NALCN: variants seen among roughly 807,000 people sequenced by gnomAD.
NALCN encodes the protein sodium leak channel NALCN.
A neutral mutation model predicts 225.3 loss-of-function variants in NALCN; 111 were observed. That is an observed-to-expected ratio of 0.49 (90% CI 0.42 to 0.58). The LOEUF is 0.58. Among genes scored for constraint, NALCN ranks in the 20% least tolerant of loss-of-function variants. The pLI is 0.00. For synonymous variants in NALCN, 764 were observed against 769.0 expected, an observed-to-expected ratio of 0.99 and a Z score of 0.11; for missense variants, 1,378 against 2,202.4, an observed-to-expected ratio of 0.63 and a Z score of 7.49.
At chr13:101,106,337 A>AG (rs1400892549) in intron 22 of NALCN, among the ~76,000 whole-genome samples, 2 of 152,102 alleles carry the variant, frequency 1.3e-5, no homozygotes, top group Non-Finnish European at 2.9e-5. Flanking sequence ...GATTTTGTGG[A>AG]GGGGGAACAA....
At chr13:101,277,844 G>A (rs1260657126) in intron 10 of NALCN, among the ~76,000 whole-genome samples, 1 of 152,300 alleles carries the variant, frequency 6.6e-6, no homozygotes, top group Middle Eastern at 3.4e-3. Flanking sequence ...AGACAATATG[G>A]AGAGTTGGGA....
intron 7 of NALCN, among the ~76,000 whole-genome samples, chr13:101,316,935 A>T (rs1210559849): frequency 6.6e-6 from 1 of 152,156 alleles, no homozygotes; most frequent in Non-Finnish European, 1.5e-5. Flanking sequence ...TAGTTTTTAG[A>T]TTGTTAAATG....
intron 15 of NALCN, among the ~76,000 whole-genome samples, chr13:101,175,082 T>C (rs982366665): frequency 2.0e-5 from 3 of 152,196 alleles, no homozygotes; most frequent in Non-Finnish European, 4.4e-5. Flanking sequence ...CAACTCTCAT[T>C]TGAAGAATCT....
chr13:101,152,487 A>G (rs1250378577), intron 15 of NALCN, among the ~76,000 whole-genome samples: 1 of 152,166 alleles, frequency 6.6e-6, no homozygotes, highest in African/African-American at 2.4e-5. Flanking sequence ...AACCCTTAAG[A>G]TCTTACAAGC....
chr13:101,205,795 A>G (rs2040290679), intron 13 of NALCN, among the ~76,000 whole-genome samples: 1 of 152,126 alleles, frequency 6.6e-6, no homozygotes, highest in African/African-American at 2.4e-5. Context: ...CATGAAATTG[A>G]TATTTTCATT....
At chr13:101,365,799 T>C (rs1014030561) in intron 6 of NALCN, among the ~76,000 whole-genome samples, 1 of 152,132 alleles carries the variant, frequency 6.6e-6, no homozygotes, top group Non-Finnish European at 1.5e-5. Context: ...CCTCTGGGCT[T>C]AAAGCTAGTG....
At chr13:101,293,445 AAATAT>A (rs576274191) in intron 7 of NALCN, among the ~76,000 whole-genome samples, 87 of 152,358 alleles carry the variant, frequency 5.7e-4, no homozygotes, top group African/African-American at 1.8e-3. Flanking sequence ...TTTATAAAAT[AAATAT>A]AAGTTGTTAT....
At chr13:101,213,760 G>T (rs2140086216) in intron 13 of NALCN, among the ~76,000 whole-genome samples, 1 of 152,300 alleles carries the variant, frequency 6.6e-6, no homozygotes, top group African/African-American at 2.4e-5. Flanking sequence ...TCTCACACCA[G>T]TTAGAATGGC....
intron 6 of NALCN, among the ~76,000 whole-genome samples, chr13:101,375,663 G>C (rs1425451913): frequency 6.6e-6 from 1 of 152,102 alleles, no homozygotes; most frequent in African/African-American, 2.4e-5. Flanking sequence ...TAATTTCTAA[G>C]ATTTGAATCA....
At chr13:101,407,155 A>G (rs1343949078) in intron 1 of NALCN, among the ~76,000 whole-genome samples, 1 of 152,242 alleles carries the variant, frequency 6.6e-6, no homozygotes, top group East Asian at 1.9e-4. Context: ...CTGTTCTTCT[A>G]GCAAGGAAAA....
intron 17 of NALCN, among the ~76,000 whole-genome samples, chr13:101,132,141 G>A (rs1447802880): frequency 6.6e-6 from 1 of 151,454 alleles, no homozygotes; most frequent in Non-Finnish European, 1.5e-5. Flanking sequence ...ATTCATTCAG[G>A]GCTAAATTTT....
intron 7 of NALCN, among the ~76,000 whole-genome samples, chr13:101,322,167 G>C (rs1298808056): frequency 6.6e-6 from 1 of 152,080 alleles, no homozygotes; most frequent in Non-Finnish European, 1.5e-5. Flanking sequence ...ATTTGTGTGG[G>C]TATATATGAA....
intron 17 of NALCN, among the ~76,000 whole-genome samples, chr13:101,142,138 CTTT>C (rs33925974): frequency 1.0e-5 from 1 of 97,026 alleles, no homozygotes. Context: ...CATTCTATGT[CTTT>C]TTTTTTTTTT....
chr13:101,147,472 C>T (rs566827562), intron 15 of NALCN, among the ~76,000 whole-genome samples: 44 of 151,336 alleles, frequency 2.9e-4, no homozygotes, highest in African/African-American at 9.5e-4. Flanking sequence ...TTTCCTGAGT[C>T]GCTGGAATTA....
intron 7 of NALCN, among the ~76,000 whole-genome samples, chr13:101,314,744 T>A (rs561758): frequency 6.6e-6 from 1 of 151,946 alleles, no homozygotes; most frequent in East Asian, 1.9e-4. Context: ...ATCCTCCCAC[T>A]AATAAGGCTT....
chr13:101,267,242 T>C (rs867340554), intron 10 of NALCN, among the ~76,000 whole-genome samples: 1 of 152,154 alleles, frequency 6.6e-6, no homozygotes. Flanking sequence ...AACAAACACA[T>C]GTGGATGTTA....
At chr13:101,318,206 G>T (rs1294713419) in intron 7 of NALCN, among the ~76,000 whole-genome samples, 2 of 152,094 alleles carry the variant, frequency 1.3e-5, no homozygotes, top group Non-Finnish European at 2.9e-5. Flanking sequence ...GGCAGCATTT[G>T]ACTTTCACTA....
chr13:101,403,016 C>A (rs2047519329), intron 1 of NALCN, among the ~76,000 whole-genome samples: 1 of 152,152 alleles, frequency 6.6e-6, no homozygotes, highest in African/African-American at 2.4e-5. Context: ...AGGCCATGGG[C>A]CCTCAGGTCT....
chr13:101,167,211 G>A (rs369663426), intron 15 of NALCN, among the ~76,000 whole-genome samples: 6 of 152,188 alleles, frequency 3.9e-5, no homozygotes, highest in South Asian at 2.1e-4. Flanking sequence ...TTAAGATTTC[G>A]TATGAATTTT....
Sources: allele counts gnomAD v4.1 joint callset (sites outside exome capture counted in the v4.1 genomes callset), GRCh38; gene constraint gnomAD v4.1.1; transcripts MANE v1.5; gene names NCBI Gene and HGNC (gene_info 2026-07-23, HGNC 2026-07-21).